DLG2: variants seen among roughly 807,000 people sequenced by gnomAD.
The protein encoded by DLG2 is discs large MAGUK scaffold protein 2, also known as disks large homolog 2.
A neutral mutation model predicts 132.5 loss-of-function variants in DLG2; 45 were observed. The ratio of observed to expected loss-of-function variants is 0.34; its 90% confidence interval spans 0.27 to 0.44. DLG2 has a LOEUF of 0.44. Ranked by LOEUF, DLG2 falls within the 20% of genes least tolerant of loss-of-function variation. DLG2 has a pLI of 1.00. For synonymous variants in DLG2, 424 were observed against 419.6 expected (o/e 1.01, Z -0.13); for missense variants, 1,045 against 1,196.9 (o/e 0.87, Z 1.87).
chr11:84,584,733 G>C (rs1359833060), intron 6 of DLG2, among the ~76,000 whole-genome samples: 1 of 134,002 alleles, frequency 7.5e-6, no homozygotes, highest in African/African-American at 2.8e-5. Context: ...CTGTCGCCCA[G>C]GCTGGAGTGC....
At chr11:84,508,494 C>A (rs10898246) in intron 7 of DLG2, among the ~76,000 whole-genome samples, 13,517 of 151,438 alleles carry the variant, frequency 0.089, 732 homozygotes, top group South Asian at 0.18. Context: ...CCTCCGTCTC[C>A]CGGGTTCAAG....
intron 21 of DLG2, among the ~76,000 whole-genome samples, chr11:83,498,684 A>AAC (rs760443335): frequency 6.4e-4 from 97 of 151,604 alleles, no homozygotes; most frequent in Non-Finnish European, 1.1e-3. Context: ...AGAAAAAAAA[A>AAC]AACAATAATA....
At chr11:84,987,821 T>C (rs1175295450) in intron 6 of DLG2, among the ~76,000 whole-genome samples, 1 of 152,124 alleles carries the variant, frequency 6.6e-6, no homozygotes, top group Non-Finnish European at 1.5e-5. Flanking sequence ...AAATTCTCGA[T>C]GATAACATTG....
At chr11:84,744,260 T>C (rs1220951759) in intron 6 of DLG2, among the ~76,000 whole-genome samples, 1 of 152,216 alleles carries the variant, frequency 6.6e-6, no homozygotes, top group South Asian at 2.1e-4. Context: ...TCTGTATATC[T>C]AATAATACAT....
At chr11:84,459,415 C>T (rs1377464764) in intron 7 of DLG2, among the ~76,000 whole-genome samples, 1 of 150,628 alleles carries the variant, frequency 6.6e-6, no homozygotes, top group Non-Finnish European at 1.5e-5. Flanking sequence ...ACATTATAAT[C>T]CTTTCATTAG....
At chr11:83,598,628 C>G (rs2058027933) in intron 19 of DLG2, among the ~76,000 whole-genome samples, 1 of 152,160 alleles carries the variant, frequency 6.6e-6, no homozygotes, top group African/African-American at 2.4e-5. Flanking sequence ...GATAGAGACC[C>G]TTTAATACTA....
At chr11:83,569,765 G>A (rs2096767181) in intron 19 of DLG2, among the ~76,000 whole-genome samples, 1 of 152,224 alleles carries the variant, frequency 6.6e-6, no homozygotes, top group Non-Finnish European at 1.5e-5. Flanking sequence ...GCCTAGACAG[G>A]GGGCTGGTTA....
intron 7 of DLG2, among the ~76,000 whole-genome samples, chr11:84,479,496 C>A (rs2099130949): frequency 6.6e-6 from 1 of 151,856 alleles, no homozygotes. Context: ...GAGGGCCTAC[C>A]AAGGCCTAAA....
At chr11:84,359,816 A>T (rs1434906545) in intron 7 of DLG2, among the ~76,000 whole-genome samples, 1 of 151,956 alleles carries the variant, frequency 6.6e-6, no homozygotes, top group Non-Finnish European at 1.5e-5. Context: ...ATCTATTAAG[A>T]TAACAGATTA....
intron 6 of DLG2, among the ~76,000 whole-genome samples, chr11:84,934,520 GTTTTGTTTTTTTTTTTTTTTTTTTTT>G (rs2048492691): frequency 1.3e-4 from 5 of 39,136 alleles, no homozygotes; most frequent in Non-Finnish European, 2.2e-4. Context: ...TTTTTGTTTT[GTTTTGTTTTTTTTTTTTTTTTTTTTT>G]GGTGGGTAGG....
At chr11:85,567,153 G>C (rs2077574463) in intron 3 of DLG2, among the ~76,000 whole-genome samples, 1 of 152,110 alleles carries the variant, frequency 6.6e-6, no homozygotes, top group Non-Finnish European at 1.5e-5. Flanking sequence ...TTAGCTATTT[G>C]AGACGCCCTC....
intron 3 of DLG2, among the ~76,000 whole-genome samples, chr11:85,402,578 T>G (rs1174376481): frequency 2.0e-5 from 3 of 152,146 alleles, no homozygotes; most frequent in African/African-American, 7.2e-5. Context: ...GAGAAAATCT[T>G]TGCAATCTAC....
intron 18 of DLG2, among the ~76,000 whole-genome samples, chr11:83,658,795 T>C (rs1298156616): frequency 1.3e-5 from 2 of 152,232 alleles, no homozygotes; most frequent in East Asian, 1.9e-4. Flanking sequence ...ACTTCTCTAG[T>C]GGTTTCATCA....
chr11:83,672,900 A>C (rs1406799769), intron 18 of DLG2, among the ~76,000 whole-genome samples: 1 of 152,132 alleles, frequency 6.6e-6, no homozygotes, highest in Non-Finnish European at 1.5e-5. Flanking sequence ...TCTCTACTAA[A>C]AATGCAAAAA....
At chr11:85,596,963 G>A (rs1002257812) in intron 3 of DLG2, among the ~76,000 whole-genome samples, 2 of 152,160 alleles carry the variant, frequency 1.3e-5, no homozygotes, top group African/African-American at 4.8e-5. Flanking sequence ...GACTTTTAAC[G>A]ACCAGCTGAA....
intron 11 of DLG2, among the ~76,000 whole-genome samples, chr11:84,019,019 G>T (rs1220199124): frequency 6.6e-6 from 1 of 152,002 alleles, no homozygotes. Context: ...TAATAGGCAT[G>T]TAGAAGTGTT....
chr11:83,881,476 T>C (rs936883200), intron 15 of DLG2, among the ~76,000 whole-genome samples: 2 of 152,200 alleles, frequency 1.3e-5, no homozygotes, highest in Admixed American at 6.5e-5. Context: ...TTGGCCATTA[T>C]AGAATTTCAC....
chr11:85,511,909 T>C (rs1167949582), intron 3 of DLG2, among the ~76,000 whole-genome samples: 1 of 152,092 alleles, frequency 6.6e-6, no homozygotes. Context: ...AATTTCTTGT[T>C]TTTTGCAGAG....
intron 10 of DLG2, among the ~76,000 whole-genome samples, chr11:84,070,154 G>T (rs2096735223): frequency 6.6e-6 from 1 of 152,108 alleles, no homozygotes; most frequent in African/African-American, 2.4e-5. Context: ...TAAAACTGTG[G>T]TTAATCTTTG....
Sources: gnomAD v4.1 joint callset for allele counts (sites outside exome capture counted in the v4.1 genomes callset) on GRCh38, gnomAD v4.1.1 for gene constraint, MANE v1.5 for transcripts, NCBI Gene and HGNC (gene_info 2026-07-23, HGNC 2026-07-21) for gene names.